The following MYO19 variants were observed in gnomAD, a reference collection of about 807,000 sequenced individuals.
MYO19 encodes the protein unconventional myosin-XIX.
Under a neutral mutation model 129.2 loss-of-function variants are expected in MYO19, and 132 were observed. That is an observed-to-expected ratio of 1.02 (90% CI 0.89 to 1.18). The LOEUF (loss-of-function observed/expected upper bound fraction) is 1.18, where lower values mean the gene tolerates loss of function less well. Ranked by LOEUF, MYO19 falls within the 50% of genes most tolerant of loss-of-function variation. The pLI is 0.00. For missense variants in MYO19, 1,210 were observed against 1,216.7 expected (o/e 0.99, Z 0.08); for synonymous variants, 531 against 477.2 (o/e 1.11, Z -1.47).
intron 11 of MYO19, 124 bp from the exon 12 acceptor site, chr17:36,511,579 GCCCATCTC>G: frequency 8.6e-6 from 7 of 811,730 alleles, no homozygotes; most frequent in Non-Finnish European, 1.4e-5. Flanking sequence ...TGGCCCAAGT[GCCCATCTC>G]TGCCAGACAC....
intron 6 of MYO19, among the ~76,000 whole-genome samples, chr17:36,517,284 CAA>C (rs1332759475): frequency 1.3e-5 from 2 of 152,082 alleles, no homozygotes; most frequent in Non-Finnish European, 2.9e-5. Context: ...TCTTTAGAGG[CAA>C]AGTCTTGCTG....
intron 17 of MYO19, 26 bp from the exon 18 acceptor site, chr17:36,506,634 G>A: frequency 6.6e-7 from 1 of 1,514,670 alleles, no homozygotes; most frequent in Non-Finnish European, 8.8e-7. Context: ...AAGAGCAGCA[G>A]TGAGGGCAGG....
At chr17:36,498,736 C>T (rs369117030) in intron 24 of MYO19, 177 bp from the exon 25 acceptor site, 12 of 662,918 alleles carry the variant, frequency 1.8e-5, no homozygotes, top group Middle Eastern at 8.4e-4. Context: ...CTATACACCC[C>T]AGGCAACTGT....
At position 36,506,964 on chromosome 17, in the gene MYO19, T is replaced by C; in HGVS notation, c.1643A>G (p.Lys548Arg). The C allele has an allele frequency of 6.3e-7, 1 of 1,592,706 alleles. No individual in the cohort carries two copies. The highest frequency in any genetic ancestry group is 8.6e-7 in the Non-Finnish European group (1 of 1,164,434). Reference protein sequence around the residue: ...YHTAGLVEKNKDPIPPELTRL... With the variant: ...YHTAGLVEKNRDPIPPELTRL... Reference sequence around the variant, plus strand: ...CACAGGGCATGGCCCAGCCCGTACCTTGTTCTTCTCCACCAGGCCTGCTGT... The same window carrying C: ...CACAGGGCATGGCCCAGCCCGTACCCTGTTCTTCTCCACCAGGCCTGCTGT... Residue 548 changes from lysine to arginine, a missense_variant and splice_region_variant, in exon 17 of 26, where the codon AAG becomes AGG. Coordinates refer to ENST00000614623, the MANE Select transcript of MYO19 (RefSeq NM_001163735.2).
At chr17:36,530,956 G>A (rs1015154790) in intron 3 of MYO19, among the ~76,000 whole-genome samples, 5 of 152,064 alleles carry the variant, frequency 3.3e-5, no homozygotes, top group Admixed American at 2.6e-4. Context: ...AGGGTCTCAC[G>A]GCTGGGTGCG....
chr17:36,496,525 G>T, intron 25 of MYO19, 119 bp from the exon 26 acceptor site: 1 of 886,344 alleles, frequency 1.1e-6, no homozygotes, highest in Non-Finnish European at 1.7e-6. Flanking sequence ...AGTATTGGGG[G>T]CCACAGCAGG....
chr17:36,537,747 C>T (rs147622852), upstream of MYO19: 122 of 1,613,924 alleles, frequency 7.6e-5, no homozygotes, highest in Non-Finnish European at 9.7e-5. Flanking sequence ...AGGAATCGGA[C>T]GATTAGCCAT....
At position 36,526,667 on chromosome 17, in the gene MYO19, AC is replaced by A. The variant is rs376037560; in HGVS notation, c.300+883del. 7.8e-3 allele frequency among the ~76,000 whole-genome samples: 1,182 copies of A among 152,286 alleles called. 13 individuals carry two copies. The highest frequency in any genetic ancestry group is 0.027 in the African/African-American group (1,123 of 41,554). ...TTTGGGAGGCTACGGCAGGTGGATC[AC>A]TTGAGGTCAGGAGTTCGAGACCAGC... On this transcript the variant is annotated intron_variant, in intron 5 of 25. Coordinates refer to ENST00000614623, the MANE Select transcript of MYO19 (RefSeq NM_001163735.2).
intron 6 of MYO19, among the ~76,000 whole-genome samples, chr17:36,523,769 A>G (rs2073293640): frequency 6.6e-6 from 1 of 152,210 alleles, no homozygotes; most frequent in South Asian, 2.1e-4. Flanking sequence ...CAAAGTAGGA[A>G]GTGAACAGAT....
intron 17 of MYO19, 60 bp from the exon 18 acceptor site, chr17:36,506,668 C>T (rs1425608125): frequency 3.3e-5 from 50 of 1,493,288 alleles, no homozygotes; most frequent in Non-Finnish European, 4.4e-5. Context: ...CAGGGCCATC[C>T]ACTGCCCACC....
At position 36,495,806 on chromosome 17, in the gene MYO19, A is replaced by T. The variant is rs2070918172; in HGVS notation, c.*445T>A. On this transcript the variant is annotated 3_prime_UTR_variant, in exon 26 of 26. Coordinates refer to ENST00000614623, the MANE Select transcript of MYO19 (RefSeq NM_001163735.2). ...GTTTGAAATTACATTAAATAAATCA[A>T]CTAATTAAATACTAAAGTTTTGTTC... The T allele has an allele frequency of 1.6e-6, 2 of 1,241,228 alleles. No homozygotes were observed. 76.9% of individuals were successfully genotyped at this position (1,241,228 alleles called of 1,614,324 possible).
chr17:36,524,806 T>A (rs1002797186), intron 6 of MYO19, among the ~76,000 whole-genome samples: 1 of 152,142 alleles, frequency 6.6e-6, no homozygotes, highest in African/African-American at 2.4e-5. Flanking sequence ...ATGAGTCAGG[T>A]GTTGGTCCTC....
chr17:36,497,627 C>T (rs896471032), intron 25 of MYO19: 1 of 829,446 alleles, frequency 1.2e-6, no homozygotes, highest in Admixed American at 6.3e-5. Context: ...TCCTGTCACC[C>T]AGGCTGGAGT....
Position 36,528,208 on chromosome 17 carries a change from A to G in MYO19, c.13-6T>C. On this transcript the variant is annotated splice_region_variant and splice_polypyrimidine_tract_variant and intron_variant, in intron 3 of 25. Coordinates refer to ENST00000614623, the MANE Select transcript of MYO19 (RefSeq NM_001163735.2). ...CCCGGATTGTGGCCATTGACCTGGA[A>G]GAGATAACGTGAAGGTGAGGCCAGG... The G allele has an allele frequency of 6.4e-7, 1 of 1,566,572 alleles. No individual in the cohort carries two copies. The highest frequency in any genetic ancestry group is 8.7e-7 in the Non-Finnish European group (1 of 1,155,006).
Position 36,500,863 on chromosome 17 carries a change from G to A in MYO19, c.2344C>T (p.Arg782Trp), listed in dbSNP as rs374496955. ...WRRHRHREQERQWRAVMLIQA... is the reference protein window; with the variant it reads ...WRRHRHREQEWQWRAVMLIQA... The stretch of plus-strand genomic sequence containing the variant: ...ATGAGCATGACGGCCCGCCACTGCC[G>A]CTCCTGCTCTCGGTGCCGGTGTCGC... Residue 782 changes from arginine to tryptophan, a missense_variant, in exon 23 of 26, where the codon CGG (arginine) becomes TGG (tryptophan). Coordinates refer to ENST00000614623, the MANE Select transcript of MYO19 (RefSeq NM_001163735.2). 2.9e-5 allele frequency: 47 copies of A among 1,604,562 alleles called. No homozygotes were observed. Among genetic ancestry groups the A allele is most frequent in the East Asian group, 2.5e-4 (11 of 44,836 alleles).
At chr17:36,513,553 C>T (rs927925553) in intron 10 of MYO19, 48 bp from the exon 11 acceptor site, 34 of 1,613,298 alleles carry the variant, frequency 2.1e-5, no homozygotes, top group Middle Eastern at 1.6e-4. Flanking sequence ...CAGCAAGATG[C>T]GAGGGAGGCA....
At chr17:36,503,666 C>T (rs1355764702) in intron 20 of MYO19, among the ~76,000 whole-genome samples, 2 of 152,270 alleles carry the variant, frequency 1.3e-5, no homozygotes, top group Non-Finnish European at 2.9e-5. Context: ...GATATCTGCA[C>T]TTCCTCCCAA....
intron 25 of MYO19, among the ~76,000 whole-genome samples, chr17:36,497,309 T>C (rs72818336): frequency 0.051 from 7,495 of 147,438 alleles, 310 homozygotes; most frequent in East Asian, 0.16. Context: ...TCTCAAAAAA[T>C]TAAATAACAT....
intron 7 of MYO19, 71 bp from the exon 8 acceptor site, chr17:36,515,253 G>A (rs897888302): frequency 2.2e-6 from 3 of 1,371,508 alleles, no homozygotes; most frequent in Non-Finnish European, 3.0e-6. Context: ...GGTGGCTGCA[G>A]GTCTCTGGAG....
Sources: gnomAD v4.1 joint callset for allele counts (sites outside exome capture counted in the v4.1 genomes callset) on GRCh38, gnomAD v4.1.1 for gene constraint, MANE v1.5 for transcripts, NCBI Gene and HGNC (gene_info 2026-07-23, HGNC 2026-07-21) for gene names.